The following SCARA3 variants were observed in gnomAD, a reference collection of about 807,000 sequenced individuals.
The protein encoded by SCARA3 is cellular stress response gene protein.
In SCARA3, 39 loss-of-function variants were observed where a neutral mutation model predicts 47.0. That is an observed-to-expected ratio of 0.83 (90% CI 0.64 to 1.08). SCARA3 has a LOEUF of 1.08. Among genes scored for constraint, SCARA3 ranks in the 50% least tolerant of loss-of-function variants. The pLI, the probability that SCARA3 is intolerant of heterozygous loss-of-function variation, is 0.00. For synonymous variants in SCARA3, 356 were observed against 334.1 expected (o/e 1.07, Z -0.71); for missense variants, 724 against 792.3 (o/e 0.91, Z 1.04).
the SCARA3 span, among the ~76,000 whole-genome samples, chr8:27,715,849 G>GATAC: frequency 4.6e-5 from 6 of 131,208 alleles, no homozygotes; most frequent in East Asian, 2.2e-4. This position sits in a 1 kb window ranked among gnomAD's most constrained non-coding sequence, Gnocchi z 4.2. Context: ...TAGATAGATA[G>GATAC]ATAGATAGAT....
chr8:27,708,715 A>C, the SCARA3 span, among the ~76,000 whole-genome samples: 1 of 152,162 alleles, frequency 6.6e-6, no homozygotes, highest in Admixed American at 6.5e-5. Flanking sequence ...TTTTACATTC[A>C]GGGGGTACAT....
At chr8:27,641,087 G>C (rs1385252946) in intron 1 of SCARA3, among the ~76,000 whole-genome samples, 1 of 152,184 alleles carries the variant, frequency 6.6e-6, no homozygotes, top group Non-Finnish European at 1.5e-5. Context: ...GGGCATTTTA[G>C]CTATTTGCAT....
chr8:27,715,345 A>G, the SCARA3 span, among the ~76,000 whole-genome samples: 2 of 151,934 alleles, frequency 1.3e-5, no homozygotes, highest in Non-Finnish European at 2.9e-5. This position sits in a 1 kb window ranked among gnomAD's most constrained non-coding sequence, Gnocchi z 4.2. Context: ...ACCAACTCCC[A>G]CTCAATCTCC....
At chr8:27,704,912 C>A in the SCARA3 span, among the ~76,000 whole-genome samples, 1 of 152,112 alleles carries the variant, frequency 6.6e-6, no homozygotes. Context: ...GCAGGGTAAT[C>A]CAACCATCCT....
Position 27,649,712 on chromosome 8 carries a change from C to T in SCARA3, c.18C>T (p.Ala6=), listed in dbSNP as rs142909298. The change falls in exon 2 of 6, where the codon GCC becomes GCT. Residue 6 remains alanine (A), a synonymous_variant. Coordinates refer to ENST00000301904, the MANE Select transcript of SCARA3 (RefSeq NM_016240.3). MKVRS[A]GGDGDALCVT... is the part of the protein sequence containing the mutation. ...CTGGCTTCATTATAGTGAGGTCGGC[C>T]GGCGGCGATGGAGATGCCTTGTGCG... 5 of 1,613,922 alleles carry T rather than the reference C, an allele frequency of 3.1e-6. No homozygotes were observed. The highest frequency in any genetic ancestry group is 4.5e-5 in the East Asian group (2 of 44,872).
intron 1 of SCARA3, among the ~76,000 whole-genome samples, chr8:27,641,693 A>C (rs1464188222): frequency 2.0e-5 from 3 of 152,182 alleles, no homozygotes; most frequent in Non-Finnish European, 4.4e-5. Context: ...GGCTGAGTGC[A>C]TTGGGGATGA....
chr8:27,675,844 C>G (rs1415018711), downstream of SCARA3, among the ~76,000 whole-genome samples: 1 of 140,394 alleles, frequency 7.1e-6, no homozygotes, highest in African/African-American at 2.6e-5. Flanking sequence ...CCCAGAAACT[C>G]TGATTCAGAA....
At chr8:27,720,600 C>T in the SCARA3 span, among the ~76,000 whole-genome samples, 2,820 of 151,372 alleles carry the variant, frequency 0.019, 161 homozygotes, top group East Asian at 0.2. Context: ...TCCAGCTGAT[C>T]TCTAAGGTCC....
chr8:27,654,363 A>G (rs1288339896), intron 3 of SCARA3, among the ~76,000 whole-genome samples: 2 of 152,246 alleles, frequency 1.3e-5, no homozygotes, highest in African/African-American at 2.4e-5. Flanking sequence ...TTGTCTACAT[A>G]AAACATAATT....
the SCARA3 span, among the ~76,000 whole-genome samples, chr8:27,716,246 G>A: frequency 1.3e-5 from 2 of 152,130 alleles, no homozygotes; most frequent in Admixed American, 6.5e-5. Context: ...CCAGGAAGTC[G>A]AGGCTGCAGT....
the SCARA3 span, among the ~76,000 whole-genome samples, chr8:27,726,522 C>T: frequency 6.6e-6 from 1 of 152,064 alleles, no homozygotes; most frequent in African/African-American, 2.4e-5. Flanking sequence ...TGCGGTGAAA[C>T]CCCGTCTCTA....
chr8:27,667,866 C>A (rs1802051621), intron 5 of SCARA3, among the ~76,000 whole-genome samples: 1 of 152,176 alleles, frequency 6.6e-6, no homozygotes, highest in South Asian at 2.1e-4. Context: ...CACGCGGAGA[C>A]CCACAAGATG....
chr8:27,713,251 G>A, the SCARA3 span, among the ~76,000 whole-genome samples: 4 of 152,234 alleles, frequency 2.6e-5, no homozygotes, highest in Non-Finnish European at 5.9e-5. Context: ...CCCACAGTTT[G>A]TGTTTGATGT....
chr8:27,672,355 G>T lies in SCARA3; in HGVS notation c.*1004G>T. ...CCCTGGAACATTGGGCCTGAGTGGA[G>T]ATGGGAGACAGAGGCAGGCCAGAAG... On this transcript the variant is annotated 3_prime_UTR_variant, in exon 6 of 6. Coordinates refer to ENST00000301904, the MANE Select transcript of SCARA3 (RefSeq NM_016240.3). 1.0e-6 allele frequency: 1 copy of T among 985,530 alleles called. No homozygotes were observed. Among genetic ancestry groups the T allele is most frequent in the East Asian group, 1.1e-4 (1 of 8,802 alleles). 61.0% of individuals were successfully genotyped at this position (985,530 alleles called of 1,614,324 possible). A position where few individuals can be genotyped will look rare whatever the true frequency, so the allele number is the denominator to read the frequency against.
intron 5 of SCARA3, among the ~76,000 whole-genome samples, chr8:27,661,858 T>A (rs1284674484): frequency 6.6e-6 from 1 of 152,220 alleles, no homozygotes; most frequent in African/African-American, 2.4e-5. Context: ...TCACAGGACA[T>A]GTAATACTAT....
At chr8:27,678,137 T>G (rs1295999700), downstream of SCARA3, among the ~76,000 whole-genome samples, 1 of 152,132 alleles carries the variant, frequency 6.6e-6, no homozygotes, top group East Asian at 1.9e-4. Flanking sequence ...CCTTAAAGTT[T>G]AATACAAGAA....
rs1801819084 is a variant in SCARA3, at chr8:27,658,815, T to C, written c.645T>C (p.Asp215=). Reference sequence around the variant, plus strand: ...AGGACCTCACCCAGGAGTGCTACGATGTCAAGGCTGCAGTGCACCAGATCA... The same window carrying C: ...AGGACCTCACCCAGGAGTGCTACGACGTCAAGGCTGCAGTGCACCAGATCA... The part of the protein sequence containing the change: ...SLKDLTQECY[D]VKAAVHQINF... The change falls in exon 5 of 6, where the codon GAT becomes GAC. Residue 215 remains aspartate, a synonymous_variant. Coordinates refer to ENST00000301904, the MANE Select transcript of SCARA3 (RefSeq NM_016240.3). 1.2e-6 allele frequency: 2 copies of C among 1,613,948 alleles called. No individual in the cohort carries two copies. Among genetic ancestry groups the C allele is most frequent in the African/African-American group, 1.3e-5 (1 of 74,900 alleles).
chr8:27,653,570 C>T (rs1003659947), intron 3 of SCARA3, among the ~76,000 whole-genome samples: 2 of 145,196 alleles, frequency 1.4e-5, no homozygotes, highest in South Asian at 2.3e-4. Context: ...ATTTGTAAAG[C>T]GTGTGTGTGT....
At chr8:27,697,520 C>T in the SCARA3 span, 3 of 152,436 alleles carry the variant, frequency 2.0e-5, no homozygotes, top group East Asian at 5.8e-4. Flanking sequence ...AAGTAAATAT[C>T]ATATCCCACT....
Sources: gnomAD v4.1 joint callset for allele counts (sites outside exome capture counted in the v4.1 genomes callset) on GRCh38, gnomAD v4.1.1 for gene constraint, Gnocchi (gnomAD v3.1) non-coding constraint, MANE v1.5 for transcripts, NCBI Gene and HGNC (gene_info 2026-07-23, HGNC 2026-07-21) for gene names.